The following ATP8B4 variants were observed in gnomAD, a reference collection of about 807,000 sequenced individuals.
ATP8B4 encodes the protein ATPase phospholipid transporting 8B4 (putative).
A neutral mutation model predicts 145.6 loss-of-function variants in ATP8B4; 133 were observed. That is an observed-to-expected ratio of 0.91 (90% CI 0.79 to 1.05). The LOEUF (loss-of-function observed/expected upper bound fraction) is 1.05. ATP8B4 is among the 50% of genes least tolerant of loss of function. The pLI, the probability that ATP8B4 is intolerant of heterozygous loss-of-function variation, is 0.00. For synonymous variants in ATP8B4, 507 were observed against 492.9 expected (o/e 1.03, Z -0.38); for missense variants, 1,458 against 1,425.2 (o/e 1.02, Z -0.37).
intron 1 of ATP8B4, among the ~76,000 whole-genome samples, chr15:50,163,541 C>T (rs1014507367): frequency 1.6e-4 from 24 of 152,198 alleles, no homozygotes; most frequent in African/African-American, 5.5e-4. Context: ...CACAAGCACC[C>T]CAGTGGCCAC....
intron 7 of ATP8B4, chr15:50,009,731 A>T (rs2048585395): frequency 2.2e-6 from 1 of 453,108 alleles, no homozygotes; most frequent in Non-Finnish European, 4.4e-6. Flanking sequence ...AAAAGTAAAT[A>T]GATTGCGAGT....
At chr15:50,074,755 G>T (rs1377151450) in intron 2 of ATP8B4, among the ~76,000 whole-genome samples, 1 of 152,160 alleles carries the variant, frequency 6.6e-6, no homozygotes, top group African/African-American at 2.4e-5. Context: ...GAAAGCAAAT[G>T]CAAACACCAG....
intron 2 of ATP8B4, among the ~76,000 whole-genome samples, chr15:50,092,465 T>C (rs954365423): frequency 2.6e-5 from 4 of 152,084 alleles, no homozygotes; most frequent in Non-Finnish European, 4.4e-5. Context: ...ATTTGGACTT[T>C]AACTGATTAA....
At chr15:50,157,411 A>G (rs1490685009) in intron 1 of ATP8B4, among the ~76,000 whole-genome samples, 1 of 152,200 alleles carries the variant, frequency 6.6e-6, no homozygotes, top group African/African-American at 2.4e-5. Flanking sequence ...AGATCTAAGA[A>G]TCATCCATTC....
At chr15:49,957,349 G>A (rs1039515091) in intron 14 of ATP8B4, among the ~76,000 whole-genome samples, 10 of 151,150 alleles carry the variant, frequency 6.6e-5, no homozygotes, top group African/African-American at 1.2e-4. Context: ...TACAAGAAAC[G>A]CACACAAACA....
chr15:50,165,806 A>G (rs1458357155), intron 1 of ATP8B4, among the ~76,000 whole-genome samples: 1 of 152,200 alleles, frequency 6.6e-6, no homozygotes, highest in African/African-American at 2.4e-5. Flanking sequence ...TGTTCATGTA[A>G]AAACTGTTGA....
intron 2 of ATP8B4, among the ~76,000 whole-genome samples, chr15:50,082,595 AT>A (rs1209288937): frequency 6.6e-6 from 1 of 152,206 alleles, no homozygotes; most frequent in Non-Finnish European, 1.5e-5. Context: ...ATTTTTACCA[AT>A]TCATTATTCA....
At chr15:50,005,081 T>C (rs1181180067) in intron 7 of ATP8B4, among the ~76,000 whole-genome samples, 1 of 152,230 alleles carries the variant, frequency 6.6e-6, no homozygotes, top group Non-Finnish European at 1.5e-5. Flanking sequence ...TCATTAATTC[T>C]GATCAGAACC....
intron 1 of ATP8B4, among the ~76,000 whole-genome samples, chr15:50,175,881 A>T (rs950104402): frequency 3.3e-5 from 5 of 152,306 alleles, no homozygotes; most frequent in Admixed American, 3.3e-4. Context: ...TCATTACTCA[A>T]AAAAGATACT....
intron 20 of ATP8B4, among the ~76,000 whole-genome samples, chr15:49,911,186 C>T (rs2039189780): frequency 6.6e-6 from 1 of 152,146 alleles, no homozygotes; most frequent in South Asian, 2.1e-4. Context: ...TTGAAAAATA[C>T]AGAATGGCGG....
chr15:50,171,164 T>G (rs369267539), intron 1 of ATP8B4, among the ~76,000 whole-genome samples: 133 of 152,194 alleles, frequency 8.7e-4, no homozygotes, highest in African/African-American at 2.9e-3. Context: ...AGACAGAAAG[T>G]CAATAAACAA....
rs2034442012 is a variant in ATP8B4 at position 49,876,490 on chromosome 15, G to A, written c.2815C>T (p.Gln939Ter). The change falls in exon 25 of 28, where the codon CAG (glutamine) becomes TAG (stop). Residue 939 changes from glutamine to a stop codon, truncating the protein, a stop_gained. Transcript: ENST00000284509. LOFTEE classifies it high-confidence loss of function. ...TTCAGCTGTCCTGGTTTGTAGAGCT[G>A]GGGACAGTCCACGCTGTTCTGGTCA... Reference protein sequence around the residue: ...VSDQNSVDCPQLYKPGQLNLL... With the variant: ...VSDQNSVDCP 6.2e-7 allele frequency: 1 copy of A among 1,614,050 alleles called. No individual in the cohort carries two copies.
At chr15:50,164,502 G>T (rs1367201378) in intron 1 of ATP8B4, among the ~76,000 whole-genome samples, 1 of 152,162 alleles carries the variant, frequency 6.6e-6, no homozygotes, top group East Asian at 1.9e-4. Context: ...CTGGTAAGAT[G>T]AAGTCTTCTT....
At chr15:50,050,589 A>T (rs1026356110) in intron 3 of ATP8B4, among the ~76,000 whole-genome samples, 1 of 151,950 alleles carries the variant, frequency 6.6e-6, no homozygotes, top group African/African-American at 2.4e-5. Context: ...TGCCTTTTAT[A>T]TGTTCTTCCA....
At chr15:49,932,073 A>AT (rs1340331539) in intron 15 of ATP8B4, among the ~76,000 whole-genome samples, 2 of 151,618 alleles carry the variant, frequency 1.3e-5, no homozygotes, top group Non-Finnish European at 2.9e-5. Flanking sequence ...GTAAAAATTA[A>AT]TTTGAAAATT....
intron 14 of ATP8B4, among the ~76,000 whole-genome samples, chr15:49,961,049 C>T (rs1470761153): frequency 1.3e-5 from 2 of 151,846 alleles, no homozygotes; most frequent in Non-Finnish European, 2.9e-5. Flanking sequence ...AGGAGAATGG[C>T]GTGAACCCAG....
At chr15:50,134,799 T>C (rs1433362199) in intron 1 of ATP8B4, among the ~76,000 whole-genome samples, 1 of 152,244 alleles carries the variant, frequency 6.6e-6, no homozygotes, top group Non-Finnish European at 1.5e-5. Flanking sequence ...TTTGCCCTAA[T>C]GGCTAGGGGA....
intron 1 of ATP8B4, among the ~76,000 whole-genome samples, chr15:50,153,528 G>A (rs560486562): frequency 3.3e-5 from 5 of 152,070 alleles, no homozygotes; most frequent in African/African-American, 1.2e-4. Flanking sequence ...TAGTAGAGAC[G>A]GGGTTTCACC....
intron 1 of ATP8B4, among the ~76,000 whole-genome samples, chr15:50,180,310 G>A (rs1383364358): frequency 6.6e-6 from 1 of 152,166 alleles, no homozygotes; most frequent in Non-Finnish European, 1.5e-5. Flanking sequence ...GAGCCTGAAT[G>A]AGAACAGAGG....
Sources: gnomAD v4.1 joint callset for allele counts (sites outside exome capture counted in the v4.1 genomes callset) on GRCh38, gnomAD v4.1.1 for gene constraint, MANE v1.5 for transcripts, NCBI Gene and HGNC (gene_info 2026-07-23, HGNC 2026-07-21) for gene names.